The following CALN1 variants were observed in gnomAD, a reference collection of about 807,000 sequenced individuals.
The protein encoded by CALN1 is calcium-binding protein 8.
A neutral mutation model predicts 30.6 loss-of-function variants in CALN1; 17 were observed. That is an observed-to-expected ratio of 0.56 (90% confidence interval 0.38 to 0.83). The LOEUF (loss-of-function observed/expected upper bound fraction) is 0.83, where lower values mean the gene tolerates loss of function less well. Among genes scored for constraint, CALN1 ranks in the 40% least tolerant of loss-of-function variants. The pLI is 0.00. For missense variants in CALN1, 291 were observed against 354.9 expected (o/e 0.82, Z 1.45); for synonymous variants, 156 against 131.4 (o/e 1.19, Z -1.28).
chr7:71,787,535 A>T lies in CALN1; in HGVS notation c.*240T>A. ...AATAATTTGGAAATCCTGGCGATTT[A>T]TTGCATTAGAAAACAAAACCATTAA... On this transcript the variant is annotated 3_prime_UTR_variant, in exon 7 of 7. Transcript: ENST00000395275. 1 of 442,124 alleles carries T rather than the reference A, an allele frequency of 2.3e-6. No individual in the cohort carries two copies. Among genetic ancestry groups the T allele is most frequent in the Non-Finnish European group, 4.0e-6 (1 of 247,068 alleles). 27.4% of individuals were successfully genotyped at this position (442,124 alleles called of 1,614,324 possible).
intron 5 of CALN1, among the ~76,000 whole-genome samples, chr7:71,915,703 C>T (rs1794656593): frequency 6.6e-6 from 1 of 152,104 alleles, no homozygotes; most frequent in African/African-American, 2.4e-5. Flanking sequence ...CATTGCACTC[C>T]AGCCCCGCAA....
intron 5 of CALN1, among the ~76,000 whole-genome samples, chr7:71,831,520 A>G (rs955509408): frequency 6.6e-6 from 1 of 152,100 alleles, no homozygotes; most frequent in Non-Finnish European, 1.5e-5. Flanking sequence ...GAATAGCAAT[A>G]ATATGATAAG....
At chr7:72,010,485 A>G (rs569550551) in intron 5 of CALN1, among the ~76,000 whole-genome samples, 130 of 152,308 alleles carry the variant, frequency 8.5e-4, no homozygotes, top group Middle Eastern at 3.4e-3. Context: ...GCCATTTTCC[A>G]TCATACTGGC....
intron 2 of CALN1, among the ~76,000 whole-genome samples, chr7:72,376,585 G>C (rs1804568958): frequency 6.6e-6 from 1 of 152,138 alleles, no homozygotes; most frequent in Non-Finnish European, 1.5e-5. Flanking sequence ...AATTGTGCAA[G>C]TTCTTTATAT....
chr7:72,067,687 C>T (rs574818015), intron 4 of CALN1, among the ~76,000 whole-genome samples: 4 of 152,300 alleles, frequency 2.6e-5, no homozygotes, highest in African/African-American at 7.2e-5. Context: ...TACAACCAAT[C>T]GCTATGCTAA....
chr7:72,341,573 T>C (rs752390637), intron 2 of CALN1, among the ~76,000 whole-genome samples: 2 of 152,136 alleles, frequency 1.3e-5, no homozygotes, highest in Admixed American at 6.5e-5. Context: ...AGTGTAGAGA[T>C]ACACACATGA....
At chr7:72,393,865 T>G (rs1401935565) in intron 2 of CALN1, among the ~76,000 whole-genome samples, 1 of 151,204 alleles carries the variant, frequency 6.6e-6, no homozygotes, top group Non-Finnish European at 1.5e-5. Flanking sequence ...TCCCTCTGCC[T>G]CAGCATCCTG....
intron 3 of CALN1, among the ~76,000 whole-genome samples, chr7:72,269,438 T>A (rs1796827527): frequency 6.6e-6 from 1 of 151,620 alleles, no homozygotes; most frequent in South Asian, 2.1e-4. Context: ...AATTCCCACC[T>A]ATGAGTGAGA....
intron 4 of CALN1, among the ~76,000 whole-genome samples, chr7:72,084,969 T>C (rs1419726446): frequency 6.6e-6 from 1 of 152,186 alleles, no homozygotes; most frequent in East Asian, 1.9e-4. Flanking sequence ...AATCACTCCT[T>C]TGTCCAGCAT....
chr7:71,914,191 C>G (rs935073933), intron 5 of CALN1, among the ~76,000 whole-genome samples: 10 of 152,004 alleles, frequency 6.6e-5, no homozygotes, highest in African/African-American at 2.2e-4. Flanking sequence ...TTTCCTGATC[C>G]TCTCCCTCCT....
chr7:72,487,950 GAA>G, the CALN1 span, among the ~76,000 whole-genome samples: 2 of 73,844 alleles, frequency 2.7e-5, no homozygotes, highest in African/African-American at 6.3e-5. Context: ...AGGAAGGAAG[GAA>G]GGAAAGGAAG....
In CALN1 at chr7:71,817,526, A is replaced by AT. The variant is rs564487464; in HGVS notation, c.502-7035dup. Among the ~76,000 whole-genome samples the AT allele has an allele frequency of 5.9e-5, 9 of 152,194 alleles. No individual in the cohort carries two copies. The East Asian group carries it at 1.4e-3, about 23-fold the overall frequency. On this transcript the variant is annotated intron_variant, in intron 5 of 6. Coordinates refer to ENST00000395275, the MANE Select transcript of CALN1 (RefSeq NM_031468.4). ...CATTTATTTGTTTATTCATTTATTT[A>AT]TTTTTTTGAGACGGAGTCTCGCTCT...
chr7:72,311,661 T>A lies in CALN1; in HGVS notation c.120-32851A>T, dbSNP rs1335385128. On this transcript the variant is annotated intron_variant, in intron 2 of 6. Coordinates refer to ENST00000395275, the MANE Select transcript of CALN1 (RefSeq NM_031468.4). ...CAACGCCTGGCTGAGATTTTTTTTTTTTTTTTTTTTTTTTTTGTAGAGATG... is the reference window on the plus strand; with the variant it reads ...CAACGCCTGGCTGAGATTTTTTTTTATTTTTTTTTTTTTTTTGTAGAGATG... 1.1e-4 allele frequency among the ~76,000 whole-genome samples: 16 copies of A among 140,542 alleles called. 1 individual carries two copies. Among genetic ancestry groups the A allele is most frequent in the African/African-American group, 4.3e-4 (16 of 37,532 alleles). 92.2% of individuals were successfully genotyped at this position (140,542 alleles called of 152,430 possible).
the CALN1 span, among the ~76,000 whole-genome samples, chr7:72,500,426 A>G: frequency 6.6e-6 from 1 of 151,050 alleles, no homozygotes; most frequent in African/African-American, 2.4e-5. Context: ...GACTGTAGGC[A>G]TGCACCACCA....
intron 5 of CALN1, among the ~76,000 whole-genome samples, chr7:71,930,907 G>T (rs1436320245): frequency 6.6e-6 from 1 of 152,052 alleles, no homozygotes; most frequent in Non-Finnish European, 1.5e-5. Context: ...TGACTTCTTT[G>T]TCTAATTTAG....
At chr7:71,920,685 A>C (rs1794900009) in intron 5 of CALN1, among the ~76,000 whole-genome samples, 2 of 152,144 alleles carry the variant, frequency 1.3e-5, no homozygotes, top group Admixed American at 6.5e-5. Flanking sequence ...AATGGGCATA[A>C]TATGTACTTT....
chr7:71,907,239 AACACACACAC>A (rs71531773), intron 5 of CALN1, among the ~76,000 whole-genome samples: 4 of 147,744 alleles, frequency 2.7e-5, no homozygotes, highest in Non-Finnish European at 4.5e-5. Flanking sequence ...ATGAGGTTTA[AACACACACAC>A]ACACACACAC....
intron 5 of CALN1, among the ~76,000 whole-genome samples, chr7:71,845,154 A>G (rs1039597531): frequency 6.6e-6 from 1 of 152,048 alleles, no homozygotes; most frequent in Admixed American, 6.6e-5. Flanking sequence ...AAAGTGCTGG[A>G]ATTACAGGTG....
chr7:72,493,850 TA>T, the CALN1 span, among the ~76,000 whole-genome samples: 19 of 152,192 alleles, frequency 1.2e-4, no homozygotes, highest in African/African-American at 3.9e-4. Context: ...ATACTGGGCT[TA>T]AAAAATATTT....
Sources: allele counts gnomAD v4.1 joint callset (sites outside exome capture counted in the v4.1 genomes callset), GRCh38; gene constraint gnomAD v4.1.1; transcripts MANE v1.5; gene names NCBI Gene and HGNC (gene_info 2026-07-23, HGNC 2026-07-21).